Variants in DOCK8 observed in about 807,000 individuals in gnomAD.
DOCK8 encodes the protein dedicator of cytokinesis 8, also known as dedicator of cytokinesis protein 8.
DOCK8 carries 141 observed loss-of-function variants against 245.6 expected under a neutral mutation model. The observed-to-expected ratio is 0.57, with a 90% CI of 0.50 to 0.66. The LOEUF is 0.66. Among genes scored for constraint, DOCK8 ranks in the 30% least tolerant of loss-of-function variants. The probability of loss-of-function intolerance (pLI) is 0.00; values close to 1 mark genes in which losing one functional copy is unlikely to be tolerated. For synonymous variants in DOCK8, 1,168 were observed against 970.2 expected (o/e 1.20, Z -3.79); for missense variants, 2,965 against 2,603.4 (o/e 1.14, Z -3.02).
At chr9:297,860 A>C (rs2049332647) in intron 4 of DOCK8, among the ~76,000 whole-genome samples, 1 of 152,230 alleles carries the variant, frequency 6.6e-6, no homozygotes, top group Admixed American at 6.5e-5. Flanking sequence ...ACACACAGTC[A>C]TAGAAGATGC....
In DOCK8 at chr9:430,810, G is replaced by A. The variant is rs146501257; in HGVS notation, c.4626+956G>A. Among the ~76,000 whole-genome samples, 980 of 152,238 alleles carry A rather than the reference G, an allele frequency of 6.4e-3. 9 individuals are homozygous for A. The highest frequency in any genetic ancestry group is 0.042 in the South Asian group (200 of 4,810). On this transcript the variant is annotated intron_variant, in intron 36 of 47. Coordinates refer to ENST00000432829, the MANE Select transcript of DOCK8 (RefSeq NM_203447.4). The stretch of plus-strand genomic sequence containing the variant: ...AATTCTGACTAGCTAGTGCCAGAAT[G>A]ACCTGTGGAAGAGGATTTTAAATGA...
intron 9 of DOCK8, among the ~76,000 whole-genome samples, chr9:330,706 G>A (rs1389441881): frequency 6.6e-6 from 1 of 152,180 alleles, no homozygotes; most frequent in African/African-American, 2.4e-5. Flanking sequence ...TCTGAATAGA[G>A]CAGAAAGTAG....
chr9:385,587 A>G (rs1037552495), intron 22 of DOCK8, among the ~76,000 whole-genome samples: 51 of 152,324 alleles, frequency 3.3e-4, no homozygotes, highest in African/African-American at 1.1e-3. Context: ...CTGCATTTCT[A>G]TGACATCGTG....
chr9:437,441 G>T (rs1245801862), intron 39 of DOCK8, among the ~76,000 whole-genome samples: 12 of 152,182 alleles, frequency 7.9e-5, no homozygotes, highest in Admixed American at 7.9e-4. Context: ...CTGATCCTGT[G>T]CTCATCCCTG....
intron 46 of DOCK8, chr9:457,006 A>T (rs1170657575): frequency 6.6e-6 from 1 of 152,192 alleles, no homozygotes; most frequent in East Asian, 1.9e-4. Flanking sequence ...GGCTCAGAAA[A>T]CAGGCTGTTG....
In DOCK8 at chr9:448,346, G is replaced by A. The variant is rs545169053; in HGVS notation, c.5818-1438G>A. ...TGGTCTCAAACTGTTGGCCTCAAAC[G>A]ATCCTCCTACCTCAGCCTCCCAAGG... On this transcript the variant is annotated intron_variant, in intron 44 of 47. Transcript: ENST00000432829. Among the ~76,000 whole-genome samples, 31 of 152,240 alleles carry A rather than the reference G, an allele frequency of 2.0e-4. No homozygotes were observed. The South Asian group carries it at 6.2e-3, about 31-fold the overall frequency.
chr9:400,013 TCACCACCACCTCCACCATCAC>T (rs1463781965), intron 26 of DOCK8, among the ~76,000 whole-genome samples: 40 of 45,720 alleles, frequency 8.7e-4, no homozygotes, highest in South Asian at 5.9e-3. Context: ...ACCTCCACCA[TCACCACCACCTCCACCATCAC>T]CACCACCACC....
intron 4 of DOCK8, among the ~76,000 whole-genome samples, chr9:301,004 T>G (rs2049519077): frequency 6.6e-6 from 1 of 152,228 alleles, no homozygotes; most frequent in South Asian, 2.1e-4. Flanking sequence ...AAAGCCAGCA[T>G]CATTCTGATA....
At chr9:296,054 A>G (rs113908305) in intron 4 of DOCK8, among the ~76,000 whole-genome samples, 4,743 of 152,310 alleles carry the variant, frequency 0.031, 103 homozygotes, top group South Asian at 0.058. Context: ...AGACTGGAAG[A>G]TTTATTAAAT....
chr9:368,036 C>A lies in DOCK8; in HGVS notation c.1698C>A (p.Tyr566Ter). ...HTVYRNLLYV[Y>*]PQRLNFVNKL... ...TTTCCAGAAACCTTCTCTATGTCTACCCACAGAGGCTGAACTTTGTAAACA... is the reference window on the plus strand; with the variant it reads ...TTTCCAGAAACCTTCTCTATGTCTAACCACAGAGGCTGAACTTTGTAAACA... Residue 566 changes from tyrosine to a stop codon, truncating the protein, a stop_gained, in exon 15 of 48, where the codon TAC (tyrosine) becomes TAA (stop). Coordinates refer to ENST00000432829, the MANE Select transcript of DOCK8 (RefSeq NM_203447.4). LOFTEE classifies it high-confidence loss of function. 6.2e-7 allele frequency: 1 copy of A among 1,613,770 alleles called. No homozygotes were observed. Among genetic ancestry groups the A allele is most frequent in the Non-Finnish European group, 8.5e-7 (1 of 1,179,642 alleles).
At chr9:303,189 G>C (rs1172514463) in intron 4 of DOCK8, among the ~76,000 whole-genome samples, 1 of 151,196 alleles carries the variant, frequency 6.6e-6, no homozygotes, top group Non-Finnish European at 1.5e-5. Flanking sequence ...AAATTAACAT[G>C]TTGGAAATTA....
At chr9:303,187 A>G (rs1396015045) in intron 4 of DOCK8, among the ~76,000 whole-genome samples, 1 of 151,908 alleles carries the variant, frequency 6.6e-6, no homozygotes, top group African/African-American at 2.4e-5. Context: ...AAAAATTAAC[A>G]TGTTGGAAAT....
At chr9:420,304 C>T (rs752267019) in intron 30 of DOCK8, 97 bp from the exon 31 acceptor site, 40 of 1,306,002 alleles carry the variant, frequency 3.1e-5, no homozygotes, top group Non-Finnish European at 4.4e-5. Flanking sequence ...TTTAAGAGAA[C>T]ACTTTGAATT....
At chr9:457,261 C>G (rs1472014295) in intron 46 of DOCK8, among the ~76,000 whole-genome samples, 2 of 152,180 alleles carry the variant, frequency 1.3e-5, no homozygotes, top group East Asian at 1.9e-4. Flanking sequence ...GAGTTCAGAT[C>G]CCATTCTGCC....
intron 44 of DOCK8, 145 bp from the exon 45 acceptor site, chr9:449,639 C>T (rs978665760): frequency 1.0e-6 from 1 of 972,072 alleles, no homozygotes; most frequent in South Asian, 1.4e-5. Context: ...TTCTTTTTAA[C>T]CTGTTAAGAG....
chr9:267,077 G>A (rs1341770493), intron 1 of DOCK8, among the ~76,000 whole-genome samples: 1 of 152,106 alleles, frequency 6.6e-6, no homozygotes, highest in Non-Finnish European at 1.5e-5. Flanking sequence ...TGGACATTGG[G>A]GTGCTATATG....
intron 10 of DOCK8, among the ~76,000 whole-genome samples, chr9:333,419 G>A (rs910720177): frequency 6.6e-6 from 1 of 152,074 alleles, no homozygotes; most frequent in Non-Finnish European, 1.5e-5. Flanking sequence ...GGCCAACACG[G>A]TGAAACCCCG....
Position 334,220 on chromosome 9 carries a change from T to C in DOCK8, c.1126-5T>C. On this transcript the variant is annotated splice_polypyrimidine_tract_variant and splice_region_variant and intron_variant, in intron 10 of 47. Transcript: ENST00000432829. ...TTCAGCTTGTTTCTTTCCATTTTCC[T>C]CCAGAGTAAAGAAAAGATTGAAAAA... is the stretch of plus-strand genomic sequence containing the variant. 6.2e-7 allele frequency: 1 copy of C among 1,614,180 alleles called. No homozygotes were observed. Among genetic ancestry groups the C allele is most frequent in the Non-Finnish European group, 8.5e-7 (1 of 1,180,020 alleles).
rs1478017591 is a variant in DOCK8, at chr9:291,846, C to A, written c.404+2265C>A. On this transcript the variant is annotated intron_variant, in intron 4 of 47. Transcript: ENST00000432829. ...CTTTGGGAGGTTGAGGTAGGAGGAT[C>A]CCTTGAACCCAGGAGTTCAAGACCA... Among the ~76,000 whole-genome samples, 3 of 151,302 alleles carry A rather than the reference C, an allele frequency of 2.0e-5. No individual in the cohort carries two copies. In the East Asian group the frequency reaches 5.8e-4, roughly 29 times the overall value.
Sources: allele counts gnomAD v4.1 joint callset (sites outside exome capture counted in the v4.1 genomes callset), GRCh38; gene constraint gnomAD v4.1.1; transcripts MANE v1.5; gene names NCBI Gene and HGNC (gene_info 2026-07-23, HGNC 2026-07-21).